The following CYP27C1 variants were observed in gnomAD, a reference collection of about 807,000 sequenced individuals.
CYP27C1 encodes the protein cytochrome P450 27C1.
A neutral mutation model predicts 40.6 loss-of-function variants in CYP27C1; 29 were observed. That is an observed-to-expected ratio of 0.71 (90% CI 0.53 to 0.97). CYP27C1 has a LOEUF of 0.97. CYP27C1 is among the 50% of genes least tolerant of loss of function. CYP27C1 has a pLI of 0.00. For missense variants in CYP27C1, 390 were observed against 485.8 expected (o/e 0.80, Z 1.85); for synonymous variants, 198 against 186.8 (o/e 1.06, Z -0.49).
Position 127,193,192 on chromosome 2 carries a change from T to C in CYP27C1, c.1399A>G (p.Arg467Gly). 1 of 1,614,154 alleles carries C rather than the reference T, an allele frequency of 6.2e-7. No individual in the cohort carries two copies. The highest frequency in any genetic ancestry group is 2.2e-5 in the East Asian group (1 of 44,884). The change falls in exon 8 of 9, where the codon AGA becomes GGA. Residue 467 changes from arginine (R) to glycine (G), a missense_variant. Physicochemically the swap from Arg to Gly is moderately radical, Grantham distance 125. Coordinates refer to ENST00000664447, the MANE Select transcript of CYP27C1 (RefSeq NM_001367502.1). ...GGGATGGATCCAAAATTGTCAACTC[T>C]ATCTAAGTCTCCTTTCCGCAGCCAG... ...ERWLRKGDLDRVDNFGSIPFG... is the reference protein window; with the variant it reads ...ERWLRKGDLDGVDNFGSIPFG...
intron 2 of CYP27C1, among the ~76,000 whole-genome samples, chr2:127,204,636 C>T (rs1239585527): frequency 7.0e-6 from 1 of 142,450 alleles, no homozygotes; most frequent in Non-Finnish European, 1.5e-5. Flanking sequence ...AAGACTGCAG[C>T]TTGTTACCAG....
Position 127,200,548 on chromosome 2 carries a change from A to G in CYP27C1, c.883+574T>C, listed in dbSNP as rs1368658724. 2.0e-5 allele frequency among the ~76,000 whole-genome samples: 3 copies of G among 152,224 alleles called. No individual in the cohort carries two copies. Among genetic ancestry groups the G allele is most frequent in the South Asian group, 2.1e-4 (1 of 4,832 alleles). On this transcript the variant is annotated intron_variant, in intron 4 of 8. Transcript: ENST00000664447. This position sits in a 1 kb window ranked among gnomAD's most constrained non-coding sequence, Gnocchi z 4.2. ...ATTTGGAGTAAAGACATCATCTTGC[A>G]TGGACATTTACTTGTACCTGTCCCT...
chr2:127,193,717 C>G (rs1682835629), intron 7 of CYP27C1, 72 bp downstream of exon 7: 7 of 1,533,862 alleles, frequency 4.6e-6, no homozygotes, highest in Admixed American at 3.4e-5. Context: ...CAAAGACTTC[C>G]TGAAGGTAGA....
intron 1 of CYP27C1, among the ~76,000 whole-genome samples, chr2:127,214,281 A>G (rs1683385813): frequency 6.6e-6 from 1 of 152,244 alleles, no homozygotes; most frequent in Non-Finnish European, 1.5e-5. Flanking sequence ...AGGATCTAGA[A>G]CCAGAAATAC....
In CYP27C1 at chr2:127,195,321, G is replaced by C. The variant is rs1255566505; in HGVS notation, c.1214+14C>G. The C allele has an allele frequency of 6.2e-6, 10 of 1,613,866 alleles. No individual in the cohort carries two copies. The highest frequency in any genetic ancestry group is 8.5e-6 in the Non-Finnish European group (10 of 1,179,956). On this transcript the variant is annotated intron_variant, in intron 6 of 8. Coordinates refer to ENST00000664447, the MANE Select transcript of CYP27C1 (RefSeq NM_001367502.1). This position sits in a 1 kb window ranked among gnomAD's most constrained non-coding sequence, Gnocchi z 6.2. ...GGGACACAGTTTGTTGACGGATTCTGGCGAGCCTTTTACCTCAGGGTTTCC... is the reference window on the plus strand; with the variant it reads ...GGGACACAGTTTGTTGACGGATTCTCGCGAGCCTTTTACCTCAGGGTTTCC...
At chr2:127,188,765 A>T (rs1406025187) in intron 8 of CYP27C1, among the ~76,000 whole-genome samples, 1 of 152,164 alleles carries the variant, frequency 6.6e-6, no homozygotes, top group African/African-American at 2.4e-5. Context: ...AGAACACCAA[A>T]GTATCCATCA....
At chr2:127,202,056 T>C (rs955171243) in intron 3 of CYP27C1, among the ~76,000 whole-genome samples, 5 of 151,680 alleles carry the variant, frequency 3.3e-5, no homozygotes, top group African/African-American at 1.2e-4. Flanking sequence ...ATGAGAAAGC[T>C]GATAGAAAGT....
At chr2:127,203,040 T>C (rs1405346500) in intron 3 of CYP27C1, among the ~76,000 whole-genome samples, 2 of 151,990 alleles carry the variant, frequency 1.3e-5, no homozygotes, top group East Asian at 1.9e-4. Flanking sequence ...TGGTGGCAGG[T>C]GCCTGTAATC....
Position 127,204,485 on chromosome 2 carries a change from A to AAAGAAAGAAAGAAAGGAAGGAAGG in CYP27C1, c.474-915_474-914insCCTTCCTTCCTTTCTTTCTTTCTT, listed in dbSNP as rs1336827282. ...GAAAGAAAGAAAGAAAGAAAGAAAG[A>AAAGAAAGAAAGAAAGGAAGGAAGG]AAGGAAGGAAGGAAGGAAGGAAAGA... On this transcript the variant is annotated intron_variant, in intron 2 of 8. Coordinates refer to ENST00000664447, the MANE Select transcript of CYP27C1 (RefSeq NM_001367502.1). Among the ~76,000 whole-genome samples, 26 of 60,208 alleles carry AAAGAAAGAAAGAAAGGAAGGAAGG rather than the reference A, an allele frequency of 4.3e-4. 2 individuals carry two copies. The highest frequency in any genetic ancestry group is 1.7e-3 in the African/African-American group (25 of 14,754). The allele number at this position is 60,208 out of a possible 152,430, so 39.5% of individuals were successfully genotyped here.
At chr2:127,210,911 A>G (rs1303063484) in intron 1 of CYP27C1, among the ~76,000 whole-genome samples, 3 of 152,194 alleles carry the variant, frequency 2.0e-5, no homozygotes, top group African/African-American at 4.8e-5. Context: ...CCACACAATA[A>G]TAATGGGAGA....
intron 1 of CYP27C1, among the ~76,000 whole-genome samples, chr2:127,215,385 T>C (rs149641256): frequency 1.5e-3 from 231 of 152,204 alleles, no homozygotes; most frequent in African/African-American, 5.4e-3. Context: ...TCAAAATGGA[T>C]CAAAGCTCTA....
At chr2:127,190,344 T>TTC (rs1573889942) in intron 8 of CYP27C1, among the ~76,000 whole-genome samples, 1 of 98,284 alleles carries the variant, frequency 1.0e-5, no homozygotes, top group East Asian at 2.1e-4. Flanking sequence ...TTTTTTTTCT[T>TTC]TTTTTTTTTT....
At chr2:127,212,596 G>A (rs886237870) in intron 1 of CYP27C1, among the ~76,000 whole-genome samples, 7 of 152,236 alleles carry the variant, frequency 4.6e-5, no homozygotes, top group South Asian at 2.1e-4. Flanking sequence ...TGCAGAAAAC[G>A]CCTTTGATAA....
At position 127,218,671 on chromosome 2, in the gene CYP27C1, A is replaced by G. The variant is rs1461101830; in HGVS notation, c.282+1318T>C. On this transcript the variant is annotated intron_variant, in intron 1 of 8. Transcript: ENST00000664447. The surrounding 1 kb of genome is among the most constrained non-coding windows in gnomAD (Gnocchi z 6.0). ...GCTGATGGAACGAATGAATGACTGAAGCCCAGGTGGGTAGTTAGAAGAGGC... is the reference window on the plus strand; with the variant it reads ...GCTGATGGAACGAATGAATGACTGAGGCCCAGGTGGGTAGTTAGAAGAGGC... Among the ~76,000 whole-genome samples the G allele has an allele frequency of 6.6e-6, 1 of 152,202 alleles. No individual in the cohort carries two copies. Among genetic ancestry groups the G allele is most frequent in the Non-Finnish European group, 1.5e-5 (1 of 68,044 alleles).
In CYP27C1 at chr2:127,204,557, GAAAGAAAGAAAGAAAGAAAGAAAGAA is replaced by G. The variant is rs1224628394; in HGVS notation, c.474-1012_474-987del. On this transcript the variant is annotated intron_variant, in intron 2 of 8. Coordinates refer to ENST00000664447, the MANE Select transcript of CYP27C1 (RefSeq NM_001367502.1). ...AGAAAGAGAGAGAGAGAGAGAGAGA[GAAAGAAAGAAAGAAAGAAAGAAAGAA>G]AGAAAGAAAGAAAGAAAGAAAGAAA... Among the ~76,000 whole-genome samples the G allele has an allele frequency of 2.4e-3, 97 of 40,662 alleles. 1 individual carries two copies. Among genetic ancestry groups the G allele is most frequent in the Admixed American group, 0.011 (38 of 3,386 alleles). The allele number at this position is 40,662 out of a possible 152,430, so 26.7% of individuals were successfully genotyped here.
rs748049896 is a variant in CYP27C1, at chr2:127,195,416, T to C, written c.1133A>G (p.Asn378Ser). The change falls in exon 6 of 9, where the codon AAT (asparagine) becomes AGT (serine). Residue 378 changes from asparagine to serine, a missense_variant. By Grantham distance (46) the Asn-to-Ser change is conservative (BLOSUM62 1). Transcript: ENST00000664447. This position sits in a 1 kb window ranked among gnomAD's most constrained non-coding sequence, Gnocchi z 6.2. ...QQTVYREIVK[N>S]LGERHVPTAA... ...AGTTGGAACATGCCTTTCCCCTAAA[T>C]TCTTCACAATCTCCCGGTACACCGT... The C allele has an allele frequency of 6.2e-7, 1 of 1,614,136 alleles. No individual in the cohort carries two copies. The highest frequency in any genetic ancestry group is 8.5e-7 in the Non-Finnish European group (1 of 1,180,034).
At chr2:127,217,854 G>T (rs181066595) in intron 1 of CYP27C1, among the ~76,000 whole-genome samples, 1 of 152,290 alleles carries the variant, frequency 6.6e-6, no homozygotes, top group East Asian at 1.9e-4. Context: ...CCTGGAGAGC[G>T]GGAAGAGAGG....
chr2:127,207,181 A>G (rs1683245640), intron 1 of CYP27C1, among the ~76,000 whole-genome samples: 1 of 152,126 alleles, frequency 6.6e-6, no homozygotes, highest in Non-Finnish European at 1.5e-5. Flanking sequence ...GTTGGGCAAC[A>G]TGGCAAAATT....
At chr2:127,205,740 C>G in intron 2 of CYP27C1, 160 bp downstream of exon 2, 2 of 985,526 alleles carry the variant, frequency 2.0e-6, no homozygotes, top group Non-Finnish European at 2.4e-6. Context: ...GCAGGGCTCT[C>G]ATGTCTGGGA....
Sources: allele counts gnomAD v4.1 joint callset (sites outside exome capture counted in the v4.1 genomes callset), GRCh38; gene constraint gnomAD v4.1.1; non-coding constraint Gnocchi (gnomAD v3.1); transcripts MANE v1.5; gene names NCBI Gene and HGNC (gene_info 2026-07-23, HGNC 2026-07-21).